DIAPH2: variants seen among roughly 807,000 people sequenced by gnomAD.
DIAPH2 encodes the protein protein diaphanous homolog 2.
In DIAPH2, 35 loss-of-function variants were observed where a neutral mutation model predicts 92.7. The observed-to-expected ratio is 0.38, with a 90% CI of 0.29 to 0.50. The LOEUF is 0.50. DIAPH2 is among the 20% of genes least tolerant of loss of function. DIAPH2 has a pLI of 0.94. For synonymous variants in DIAPH2, 301 were observed against 280.4 expected, an observed-to-expected ratio of 1.07 and a Z score of -0.73; for missense variants, 701 against 819.5, an observed-to-expected ratio of 0.86 and a Z score of 1.77.
rs182482008 is a variant in DIAPH2, at chrX:97,384,659, G to T, written c.3145+615G>T. Among the ~76,000 whole-genome samples the T allele has an allele frequency of 2.9e-3, 325 of 110,441 alleles. 1 individual carries two copies. The highest frequency in any genetic ancestry group is 8.7e-3 in the African/African-American group (264 of 30,356). ...AGGCGGGAGGGTCGCTTGAGGTGAG[G>T]AGTTCAAGACCAGCCTGCGCAACAT... On this transcript the variant is annotated intron_variant, in intron 25 of 26. Coordinates refer to ENST00000324765, the MANE Select transcript of DIAPH2 (RefSeq NM_006729.5).
intron 4 of DIAPH2, among the ~76,000 whole-genome samples, chrX:96,812,950 C>G (rs2064697540): frequency 9.0e-6 from 1 of 111,327 alleles, no homozygotes. Flanking sequence ...ACTATGTGGT[C>G]AATTTTGGAA....
At chrX:97,009,263 G>A (rs2066207644) in intron 17 of DIAPH2, among the ~76,000 whole-genome samples, 1 of 111,191 alleles carries the variant, frequency 9.0e-6, no homozygotes, top group Admixed American at 9.6e-5. Flanking sequence ...GAAGGCCGAA[G>A]GGCTCTTCAG....
chrX:97,394,144 A>T lies in DIAPH2; in HGVS notation c.3145+10100A>T, dbSNP rs1205648858. ...TGTTTCTTACTGTCATACCCCAGAC[A>T]TTAAATTATAGTCACCAAAATTATA... On this transcript the variant is annotated intron_variant, in intron 25 of 26. Coordinates refer to ENST00000324765, the MANE Select transcript of DIAPH2 (RefSeq NM_006729.5). 2.7e-5 allele frequency among the ~76,000 whole-genome samples: 3 copies of T among 112,060 alleles called. No homozygotes were observed. The Admixed American group carries it at 2.9e-4, about 11-fold the overall frequency.
chrX:97,600,398 A>AAAAG lies in DIAPH2; in HGVS notation c.*1085_*1088dup. 1.8e-5 allele frequency: 2 copies of AAAAG among 109,593 alleles called. No homozygotes were observed. The highest frequency in any genetic ancestry group is 3.8e-5 in the Non-Finnish European group (2 of 53,145). The allele number at this position is 109,593 out of a possible 1,213,427, so 9.0% of individuals were successfully genotyped here. On this transcript the variant is annotated 3_prime_UTR_variant, in exon 27 of 27. Coordinates refer to ENST00000324765, the MANE Select transcript of DIAPH2 (RefSeq NM_006729.5). ...TTTCACTTTGGTGGTCTGAAGAAGA[A>AAAAG]AAAGAAATTTTATGTATGTATGTGT...
intron 4 of DIAPH2, among the ~76,000 whole-genome samples, chrX:96,761,093 C>T (rs1470473591): frequency 9.0e-6 from 1 of 110,901 alleles, no homozygotes; most frequent in African/African-American, 3.3e-5. Flanking sequence ...AAAAGTTGTC[C>T]TACCGATTGG....
chrX:96,995,835 T>C (rs1017927002), intron 17 of DIAPH2, among the ~76,000 whole-genome samples: 19 of 109,507 alleles, frequency 1.7e-4, no homozygotes, highest in African/African-American at 6.0e-4. Context: ...ATGAAGAGTA[T>C]ATTTTCTGAG....
chrX:96,725,782 C>CA (rs1369189696), intron 1 of DIAPH2, among the ~76,000 whole-genome samples: 9 of 112,090 alleles, frequency 8.0e-5, no homozygotes, highest in African/African-American at 2.9e-4. Context: ...TTTTTTCCTA[C>CA]AAAAAATATA....
At chrX:96,956,368 G>A (rs1288207227) in intron 15 of DIAPH2, among the ~76,000 whole-genome samples, 1 of 112,076 alleles carries the variant, frequency 8.9e-6, no homozygotes, top group African/African-American at 3.2e-5. Flanking sequence ...GCCTGTGATA[G>A]GAGGGGCTGC....
intron 4 of DIAPH2, among the ~76,000 whole-genome samples, chrX:96,785,475 C>CTTTTTTTTTTTT (rs1157552270): frequency 1.0e-4 from 6 of 57,179 alleles, no homozygotes; most frequent in Admixed American, 2.4e-4. Flanking sequence ...CCAAACTTGC[C>CTTTTTTTTTTTT]TTTTTTTTTT....
At chrX:97,069,363 A>G (rs1024146854) in intron 17 of DIAPH2, among the ~76,000 whole-genome samples, 3 of 111,664 alleles carry the variant, frequency 2.7e-5, no homozygotes, top group Admixed American at 1.9e-4. Context: ...CCTATATAGA[A>G]CTATGCTTGC....
In DIAPH2 at chrX:96,965,019, C is replaced by T. The variant is rs776570719; in HGVS notation, c.1936-74C>T. 1.1e-5 allele frequency: 12 copies of T among 1,048,786 alleles called. No homozygotes were observed. In the African/African-American group the frequency reaches 1.3e-4, roughly 12 times the overall value. 86.4% of individuals were successfully genotyped at this position (1,048,786 alleles called of 1,213,427 possible). On this transcript the variant is annotated intron_variant, in intron 16 of 26. Coordinates refer to ENST00000324765, the MANE Select transcript of DIAPH2 (RefSeq NM_006729.5). ...ATAAAGGAACTGTCATTCAACCTTG[C>T]TGAAAGTTAGTTCCTTGAAAATTTA...
Position 96,735,786 on chromosome X carries a change from A to G in DIAPH2, c.161A>G (p.Asp54Gly). The change falls in exon 2 of 27, where the codon GAT (aspartate) becomes GGT (glycine). Residue 54 changes from aspartate (D) to glycine (G), a missense_variant. Around this residue, in one of 3 missense-constraint regions of DIAPH2, gnomAD observed 131 missense variants for 145.6 expected, o/e 0.90. Transcript: ENST00000324765. Reference sequence around the variant, plus strand: ...ATTCAAATAAAAACTTTGGCAGATGATGTGGTAAGGTGGTCTTAGCATGTT... The same window carrying G: ...ATTCAAATAAAAACTTTGGCAGATGGTGTGGTAAGGTGGTCTTAGCATGTT... The part of the protein sequence containing the change: ...LNIQIKTLAD[D>G]VRDRITSFRK... The G allele has an allele frequency of 9.2e-7, 1 of 1,090,023 alleles. No individual in the cohort carries two copies. Among genetic ancestry groups the G allele is most frequent in the Non-Finnish European group, 1.2e-6 (1 of 805,892 alleles). The allele number at this position is 1,090,023 out of a possible 1,213,427, so 89.8% of individuals were successfully genotyped here. A position where few individuals can be genotyped will look rare whatever the true frequency, so the allele number is the denominator to read the frequency against.
chrX:96,860,334 A>G (rs1254420266), intron 4 of DIAPH2, among the ~76,000 whole-genome samples: 1 of 112,160 alleles, frequency 8.9e-6, no homozygotes, highest in Non-Finnish European at 1.9e-5. Flanking sequence ...TAAATGTGCA[A>G]AAAAATAGAC....
rs746461174 is a variant in DIAPH2 at position 97,084,705 on chromosome X, G to A, written c.2247+9444G>A. Among the ~76,000 whole-genome samples, 28 of 111,139 alleles carry A rather than the reference G, an allele frequency of 2.5e-4. No individual in the cohort carries two copies. In the South Asian group the frequency reaches 0.011, roughly 43 times the overall value. ...TGACAAGAGAAACGTAGTCTTCAGA[G>A]TAGACAAATATAATTGAATGACAAT... is the stretch of plus-strand genomic sequence containing the variant. On this transcript the variant is annotated intron_variant, in intron 19 of 26. Coordinates refer to ENST00000324765, the MANE Select transcript of DIAPH2 (RefSeq NM_006729.5).
At chrX:97,156,496 A>G (rs1057055237) in intron 22 of DIAPH2, among the ~76,000 whole-genome samples, 3 of 112,290 alleles carry the variant, frequency 2.7e-5, no homozygotes, top group Non-Finnish European at 5.6e-5. Context: ...TGATTTACGG[A>G]TACAATTTTA....
Position 97,215,779 on chromosome X carries a change from C to A in DIAPH2, c.2720-31936C>A, listed in dbSNP as rs140018883. On this transcript the variant is annotated intron_variant, in intron 22 of 26. Coordinates refer to ENST00000324765, the MANE Select transcript of DIAPH2 (RefSeq NM_006729.5). ...AAAAAAATGCATTTGCCTATATAGA[C>A]ACCAATGGAAATAAACATATCGTTC... Among the ~76,000 whole-genome samples, 269 of 111,932 alleles carry A rather than the reference C, an allele frequency of 2.4e-3. 1 individual carries two copies. The highest frequency in any genetic ancestry group is 8.3e-3 in the African/African-American group (256 of 30,836).
Position 97,344,805 on chromosome X carries a change from T to G in DIAPH2, c.2845-3311T>G, listed in dbSNP as rs1211899336. 4.4e-5 allele frequency among the ~76,000 whole-genome samples: 5 copies of G among 112,610 alleles called. No individual in the cohort carries two copies. In the East Asian group the frequency reaches 1.4e-3, roughly 31 times the overall value. ...TTTTAGCTGGTGAAAAATTGTGTTA[T>G]GATAAATGGGGAACATACAAATTTT... On this transcript the variant is annotated intron_variant, in intron 23 of 26. Transcript: ENST00000324765.
intron 20 of DIAPH2, among the ~76,000 whole-genome samples, chrX:97,101,082 A>C (rs2066903004): frequency 8.9e-6 from 1 of 112,107 alleles, no homozygotes; most frequent in African/African-American, 3.2e-5. Context: ...AAAGCAATTT[A>C]GCACAACATT....
intron 25 of DIAPH2, among the ~76,000 whole-genome samples, chrX:97,411,132 A>G (rs2069868062): frequency 9.0e-6 from 1 of 111,702 alleles, no homozygotes; most frequent in Non-Finnish European, 1.9e-5. Context: ...AATGAAGGAA[A>G]AAATGCTAAG....
Sources: allele counts gnomAD v4.1 joint callset (sites outside exome capture counted in the v4.1 genomes callset), GRCh38; gene constraint gnomAD v4.1.1; regional missense constraint gnomAD v4.1.1; transcripts MANE v1.5; gene names NCBI Gene and HGNC (gene_info 2026-07-23, HGNC 2026-07-21).